LRP6: variants seen among roughly 807,000 people sequenced by gnomAD.
LRP6 encodes low-density lipoprotein receptor-related protein 6.
Under a neutral mutation model 184.1 loss-of-function variants are expected in LRP6, and 43 were observed. The ratio of observed to expected loss-of-function variants is 0.23; its 90% CI spans 0.18 to 0.30. The LOEUF (loss-of-function observed/expected upper bound fraction) is 0.30. Among genes scored for constraint, LRP6 ranks in the 10% least tolerant of loss-of-function variants. The pLI, the probability that LRP6 is intolerant of heterozygous loss-of-function variation, is 1.00. For missense variants in LRP6, 1,571 were observed against 2,005.3 expected (o/e 0.78, Z 4.14); for synonymous variants, 719 against 684.9 (o/e 1.05, Z -0.78).
intron 19 of LRP6, among the ~76,000 whole-genome samples, chr12:12,127,952 T>G (rs1949696269): frequency 6.6e-6 from 1 of 152,204 alleles, no homozygotes; most frequent in African/African-American, 2.4e-5. Flanking sequence ...AAGCATAGAC[T>G]CTTCTTAGTC....
intron 3 of LRP6, among the ~76,000 whole-genome samples, chr12:12,189,435 T>C (rs1009824697): frequency 2.0e-5 from 3 of 152,224 alleles, no homozygotes; most frequent in African/African-American, 4.8e-5. Context: ...ATATTTCATG[T>C]GGTAGTTTTT....
At position 12,181,393 on chromosome 12, in the gene LRP6, G is replaced by C; in HGVS notation, c.1023C>G (p.Arg341=). 6.6e-7 allele frequency: 1 copy of C among 1,505,800 alleles called. No individual in the cohort carries two copies. The allele number at this position is 1,505,800 out of a possible 1,614,324, so 93.3% of individuals were successfully genotyped here. A position where few individuals can be genotyped will look rare whatever the true frequency, so the allele number is the denominator to read the frequency against. The change falls in exon 6 of 23, where the codon CGC becomes CGG. Residue 341 remains arginine, a synonymous_variant. Transcript: ENST00000261349. The stretch of plus-strand genomic sequence containing the variant: ...TAAAATCTGGTGTATCCAAAGAAAT[G>C]CGTCTCAAGTCTGTCCTTCGAGCTA... ...LLLARRTDLR[R]ISLDTPDFTD...
chr12:12,120,503 ATC>A lies in LRP6; in HGVS notation c.*621_*622del. 6.6e-6 allele frequency: 1 copy of A among 152,286 alleles called. No individual in the cohort carries two copies. Among genetic ancestry groups the A allele is most frequent in the East Asian group, 1.9e-4 (1 of 5,178 alleles). The allele number at this position is 152,286 out of a possible 1,614,324, so 9.4% of individuals were successfully genotyped here. A position where few individuals can be genotyped will look rare whatever the true frequency, so the allele number is the denominator to read the frequency against. On this transcript the variant is annotated 3_prime_UTR_variant, in exon 23 of 23. Coordinates refer to ENST00000261349, the MANE Select transcript of LRP6 (RefSeq NM_002336.3). ...TTCATGGCATCTTACCAGAGGGCTG[ATC>A]TCTCCTACAACAGCAACACCCAGAA... is the stretch of plus-strand genomic sequence containing the variant.
intron 2 of LRP6, among the ~76,000 whole-genome samples, chr12:12,207,059 A>AG (rs1864079864): frequency 6.6e-6 from 1 of 152,344 alleles, no homozygotes; most frequent in South Asian, 2.1e-4. Flanking sequence ...TATTTTAGCT[A>AG]GGGGCTATTC....
chr12:12,170,322 A>G (rs1230703737), intron 7 of LRP6, among the ~76,000 whole-genome samples: 1 of 152,100 alleles, frequency 6.6e-6, no homozygotes, highest in Non-Finnish European at 1.5e-5. Flanking sequence ...AAAGAATGAG[A>G]CTCATCTCAA....
intron 16 of LRP6, among the ~76,000 whole-genome samples, chr12:12,136,513 A>G (rs1949842829): frequency 6.6e-6 from 1 of 152,244 alleles, no homozygotes; most frequent in African/African-American, 2.4e-5. Flanking sequence ...GCAACTTTTC[A>G]AAGTCTGTTT....
intron 15 of LRP6, among the ~76,000 whole-genome samples, chr12:12,144,368 G>A (rs1949973747): frequency 6.6e-6 from 1 of 152,256 alleles, no homozygotes; most frequent in Non-Finnish European, 1.5e-5. Flanking sequence ...TGCCTGCCAG[G>A]CATGGTGGCT....
At chr12:12,162,907 T>A (rs1332614623) in intron 9 of LRP6, among the ~76,000 whole-genome samples, 5 of 152,296 alleles carry the variant, frequency 3.3e-5, no homozygotes, top group Non-Finnish European at 7.4e-5. Context: ...TCTTATCAAG[T>A]ATTATCCTAA....
chr12:12,127,763 A>T (rs1949693014), intron 19 of LRP6, among the ~76,000 whole-genome samples: 1 of 152,204 alleles, frequency 6.6e-6, no homozygotes, highest in Non-Finnish European at 1.5e-5. Flanking sequence ...GTTAAATTTT[A>T]TCTCACAGTT....
chr12:12,248,512 G>C (rs1478470267), intron 1 of LRP6, among the ~76,000 whole-genome samples: 1 of 125,604 alleles, frequency 8.0e-6, no homozygotes, highest in African/African-American at 3.3e-5. Context: ...GATGGAGTCT[G>C]GCTCTGTCGC....
chr12:12,256,619 C>CAACATAGCCAA (rs1256478186), intron 1 of LRP6, among the ~76,000 whole-genome samples: 1 of 152,082 alleles, frequency 6.6e-6, no homozygotes, highest in Non-Finnish European at 1.5e-5. Flanking sequence ...CCAGCCTGAC[C>CAACATAGCCAA]AACATAGCCA....
At chr12:12,134,764 A>T (rs1949809323) in intron 17 of LRP6, among the ~76,000 whole-genome samples, 1 of 152,130 alleles carries the variant, frequency 6.6e-6, no homozygotes, top group Non-Finnish European at 1.5e-5. Flanking sequence ...AGGCTACTTT[A>T]ATATTAGGAA....
intron 19 of LRP6, among the ~76,000 whole-genome samples, chr12:12,127,137 G>A (rs1159794478): frequency 6.6e-6 from 1 of 152,098 alleles, no homozygotes; most frequent in African/African-American, 2.4e-5. Flanking sequence ...ACCCTTAAAT[G>A]AAGACAGAAA....
intron 2 of LRP6, among the ~76,000 whole-genome samples, chr12:12,230,730 GA>G (rs1864761501): frequency 2.0e-5 from 3 of 152,130 alleles, no homozygotes; most frequent in Admixed American, 1.3e-4. Context: ...AAGACAACCA[GA>G]AAATACTTCT....
intron 19 of LRP6, among the ~76,000 whole-genome samples, chr12:12,128,621 T>C (rs1481282310): frequency 6.6e-6 from 1 of 152,168 alleles, no homozygotes; most frequent in Non-Finnish European, 1.5e-5. Flanking sequence ...AAAGACACCA[T>C]AAATAAAGTC....
chr12:12,192,696 TA>T (rs1440796708), intron 3 of LRP6, among the ~76,000 whole-genome samples: 1 of 151,860 alleles, frequency 6.6e-6, no homozygotes, highest in Non-Finnish European at 1.5e-5. Flanking sequence ...AAGTTACAAT[TA>T]GAAACATACA....
At chr12:12,247,816 T>C (rs1000563529) in intron 1 of LRP6, among the ~76,000 whole-genome samples, 2 of 152,208 alleles carry the variant, frequency 1.3e-5, no homozygotes, top group African/African-American at 4.8e-5. Context: ...GCTTACTTTC[T>C]GACTGCCTAG....
At chr12:12,259,761 T>C (rs1865566484) in intron 1 of LRP6, among the ~76,000 whole-genome samples, 1 of 152,186 alleles carries the variant, frequency 6.6e-6, no homozygotes, top group Admixed American at 6.5e-5. Context: ...AGTCTGTATA[T>C]TTGACTAAAT....
intron 1 of LRP6, 111 bp downstream of exon 1, chr12:12,266,570 C>T (rs921373426): frequency 3.1e-6 from 3 of 980,306 alleles, no homozygotes; most frequent in East Asian, 2.7e-5. Flanking sequence ...GGCCTCTCCC[C>T]GCTCCTCTCC....
Sources: allele counts gnomAD v4.1 joint callset (sites outside exome capture counted in the v4.1 genomes callset), GRCh38; gene constraint gnomAD v4.1.1; transcripts MANE v1.5; gene names NCBI Gene and HGNC (gene_info 2026-07-23, HGNC 2026-07-21).